Variants in SPATA6 observed in about 807,000 individuals in gnomAD.
SPATA6 encodes the protein spermatogenesis-associated protein 6.
In SPATA6, 56 loss-of-function variants were observed where a neutral mutation model predicts 65.3. The observed-to-expected ratio is 0.86, with a 90% CI of 0.69 to 1.07. SPATA6 has a LOEUF of 1.07. SPATA6 is among the 50% of genes least tolerant of loss of function. SPATA6 has a pLI of 0.00. For missense variants in SPATA6, 590 were observed against 594.8 expected (o/e 0.99, Z 0.08); for synonymous variants, 199 against 213.2 (o/e 0.93, Z 0.58).
At chr1:48,399,151 A>T in intron 7 of SPATA6, 200 bp downstream of exon 7, 1 of 574,020 alleles carries the variant, frequency 1.7e-6, no homozygotes, top group Non-Finnish European at 3.0e-6. Context: ...ACACAGCTTG[A>T]TCTCTGTCAG....
At chr1:48,266,395 C>T in the SPATA6 span, among the ~76,000 whole-genome samples, 1 of 152,164 alleles carries the variant, frequency 6.6e-6, no homozygotes, top group Non-Finnish European at 1.5e-5. Context: ...GTGTGACCCA[C>T]AGGAGACACT....
chr1:48,368,835 T>C (rs955883366), intron 9 of SPATA6, among the ~76,000 whole-genome samples: 1 of 152,258 alleles, frequency 6.6e-6, no homozygotes, highest in Non-Finnish European at 1.5e-5. Context: ...CCACTGCTGG[T>C]GAGGAACTGC....
chr1:48,399,525 A>G lies in SPATA6; in HGVS notation c.606T>C (p.Asn202=). Residue 202 remains asparagine, a synonymous_variant, in exon 7 of 13, where the codon AAT becomes AAC. Transcript: ENST00000371847. ...TTGTAGGCTGTTCGTAGTTTTTTGC[A>G]TTTATACAGTATTTACTTCTCTCAG... The part of the protein sequence containing the change: ...KSPERSKYCI[N]AKNYEQPTIS... 1 of 1,613,100 alleles carries G rather than the reference A, an allele frequency of 6.2e-7. No individual in the cohort carries two copies. The highest frequency in any genetic ancestry group is 8.5e-7 in the Non-Finnish European group (1 of 1,179,410).
intron 4 of SPATA6, 121 bp from the exon 5 acceptor site, chr1:48,411,709 T>C: frequency 1.2e-6 from 1 of 846,568 alleles, no homozygotes; most frequent in Non-Finnish European, 1.6e-6. Flanking sequence ...TGGGTCATGT[T>C]TATTTTCTAT....
At chr1:48,431,600 G>T (rs1262284912) in intron 3 of SPATA6, among the ~76,000 whole-genome samples, 1 of 152,138 alleles carries the variant, frequency 6.6e-6, no homozygotes, top group East Asian at 1.9e-4. Flanking sequence ...ACCACAATGG[G>T]ATAAGGATCA....
At chr1:48,333,176 C>T (rs1362922706) in intron 11 of SPATA6, among the ~76,000 whole-genome samples, 3 of 152,162 alleles carry the variant, frequency 2.0e-5, no homozygotes, top group Non-Finnish European at 4.4e-5. Context: ...CAATCATCTA[C>T]CAGTGCGGCT....
At chr1:48,342,972 C>T (rs1646261957) in intron 11 of SPATA6, among the ~76,000 whole-genome samples, 1 of 152,066 alleles carries the variant, frequency 6.6e-6, no homozygotes, top group Non-Finnish European at 1.5e-5. Flanking sequence ...GAACAAACCA[C>T]CAGTAGTAAT....
chr1:48,323,714 A>G (rs533009032), intron 11 of SPATA6, among the ~76,000 whole-genome samples: 2 of 152,180 alleles, frequency 1.3e-5, no homozygotes, highest in South Asian at 2.1e-4. Context: ...TCATTAGAGG[A>G]TACTACGAGC....
At chr1:48,327,598 A>G (rs926352365) in intron 11 of SPATA6, among the ~76,000 whole-genome samples, 2 of 152,200 alleles carry the variant, frequency 1.3e-5, no homozygotes, top group African/African-American at 4.8e-5. Context: ...ACTTGGGCAA[A>G]GAAAATGTGA....
chr1:48,372,590 C>T (rs1031207292), intron 9 of SPATA6, among the ~76,000 whole-genome samples: 1 of 152,328 alleles, frequency 6.6e-6, no homozygotes, highest in East Asian at 1.9e-4. Context: ...GATGGTGGCC[C>T]TCTTTTCACA....
chr1:48,326,786 G>A (rs754367353), intron 11 of SPATA6, among the ~76,000 whole-genome samples: 1 of 152,066 alleles, frequency 6.6e-6, no homozygotes, highest in Non-Finnish European at 1.5e-5. Flanking sequence ...AGCGCTGGGA[G>A]AATTAGCTAG....
intron 1 of SPATA6, among the ~76,000 whole-genome samples, chr1:48,461,715 G>C (rs1192089162): frequency 6.6e-6 from 1 of 152,152 alleles, no homozygotes; most frequent in African/African-American, 2.4e-5. Context: ...AGAGGATGTG[G>C]AGAAATAAGA....
chr1:48,425,970 A>G (rs1653797485), intron 3 of SPATA6, among the ~76,000 whole-genome samples: 2 of 152,202 alleles, frequency 1.3e-5, no homozygotes, highest in African/African-American at 4.8e-5. Flanking sequence ...ATCAAACTAC[A>G]TTACTAAGTC....
the SPATA6 span, among the ~76,000 whole-genome samples, chr1:48,283,139 C>T: frequency 7.7e-6 from 1 of 130,008 alleles, no homozygotes; most frequent in Non-Finnish European, 1.5e-5. Flanking sequence ...ACAATGAGAA[C>T]ACATGGACAC....
At position 48,329,188 on chromosome 1, in the gene SPATA6, C is replaced by A. The variant is rs566701252; in HGVS notation, c.1195-23310G>T. On this transcript the variant is annotated intron_variant, in intron 11 of 12. Coordinates refer to ENST00000371847, the MANE Select transcript of SPATA6 (RefSeq NM_019073.4). ...TAAGAAATACATTTCTAAATTACCACAGAGCCAATGAAGAAATCACAATAG... is the reference window on the plus strand; with the variant it reads ...TAAGAAATACATTTCTAAATTACCAAAGAGCCAATGAAGAAATCACAATAG... Among the ~76,000 whole-genome samples, 130 of 152,086 alleles carry A rather than the reference C, an allele frequency of 8.5e-4. 1 individual carries two copies. The highest frequency in any genetic ancestry group is 1.1e-3 in the Non-Finnish European group (77 of 67,988).
At chr1:48,265,617 T>C in the SPATA6 span, among the ~76,000 whole-genome samples, 1 of 152,184 alleles carries the variant, frequency 6.6e-6, no homozygotes, top group Non-Finnish European at 1.5e-5. Context: ...AAGTCCCATA[T>C]GCTCCTTCCC....
intron 9 of SPATA6, among the ~76,000 whole-genome samples, chr1:48,377,051 A>G (rs1197917270): frequency 1.3e-5 from 2 of 152,082 alleles, no homozygotes; most frequent in Non-Finnish European, 2.9e-5. Flanking sequence ...TCTGTCTAAT[A>G]TCTCTACGGC....
intron 8 of SPATA6, among the ~76,000 whole-genome samples, chr1:48,393,086 C>T (rs969901907): frequency 9.9e-5 from 15 of 152,006 alleles, no homozygotes; most frequent in East Asian, 1.9e-4. Flanking sequence ...TCAATATATG[C>T]GAAAGGAGTC....
chr1:48,362,267 A>G (rs1646837537), intron 9 of SPATA6, among the ~76,000 whole-genome samples: 1 of 152,140 alleles, frequency 6.6e-6, no homozygotes, highest in Admixed American at 6.6e-5. Flanking sequence ...GAAAAAGAAA[A>G]AAAAGAAAAG....
Sources: gnomAD v4.1 joint callset for allele counts (sites outside exome capture counted in the v4.1 genomes callset) on GRCh38, gnomAD v4.1.1 for gene constraint, MANE v1.5 for transcripts, NCBI Gene and HGNC (gene_info 2026-07-23, HGNC 2026-07-21) for gene names.